The following SLC7A7 variants were observed in gnomAD, a reference collection of about 807,000 sequenced individuals.
SLC7A7 encodes the protein Y+L amino acid transporter 1.
A neutral mutation model predicts 47.9 loss-of-function variants in SLC7A7; 39 were observed. That is an observed-to-expected ratio of 0.81 (90% CI 0.63 to 1.06). The LOEUF (loss-of-function observed/expected upper bound fraction) is 1.06. Among genes scored for constraint, SLC7A7 ranks in the 50% least tolerant of loss-of-function variants. The probability of loss-of-function intolerance (pLI) is 0.00; values close to 1 mark genes in which losing one functional copy is unlikely to be tolerated. For missense variants in SLC7A7, 588 were observed against 632.0 expected (o/e 0.93, Z 0.75); for synonymous variants, 234 against 242.8 (o/e 0.96, Z 0.34).
intron 2 of SLC7A7, among the ~76,000 whole-genome samples, chr14:22,789,976 T>A (rs2038895908): frequency 6.6e-6 from 1 of 152,156 alleles, no homozygotes; most frequent in Non-Finnish European, 1.5e-5. Context: ...TATGAGATGA[T>A]AAATTTGTGT....
At chr14:22,794,918 C>T (rs1326289028) in intron 2 of SLC7A7, among the ~76,000 whole-genome samples, 3 of 152,078 alleles carry the variant, frequency 2.0e-5, no homozygotes, top group Non-Finnish European at 4.4e-5. Flanking sequence ...CTTTTCCCAC[C>T]TCTAGTGACA....
intron 2 of SLC7A7, among the ~76,000 whole-genome samples, chr14:22,798,233 G>A (rs547970888): frequency 5.9e-5 from 9 of 152,214 alleles, no homozygotes; most frequent in African/African-American, 2.2e-4. Flanking sequence ...GGAGGCGGAG[G>A]TTGCAGTAAA....
chr14:22,785,277 C>A (rs1158688291), intron 2 of SLC7A7, among the ~76,000 whole-genome samples: 2 of 152,080 alleles, frequency 1.3e-5, no homozygotes, highest in Non-Finnish European at 2.9e-5. Context: ...GACTCCATCT[C>A]AAAAAATAAA....
At chr14:22,800,473 A>G (rs2039092766) in intron 2 of SLC7A7, among the ~76,000 whole-genome samples, 1 of 152,234 alleles carries the variant, frequency 6.6e-6, no homozygotes, top group South Asian at 2.1e-4. Flanking sequence ...ATGCAACTTC[A>G]GAGACTAGGT....
At chr14:22,774,281 C>T in intron 8 of SLC7A7, 73 bp downstream of exon 8, 2 of 1,611,336 alleles carry the variant, frequency 1.2e-6, no homozygotes, top group African/African-American at 1.3e-5. Context: ...AAATAAAGTG[C>T]TTTGTCATAG....
At chr14:22,819,410 A>C (rs1164877916), upstream of SLC7A7, among the ~76,000 whole-genome samples, 2 of 38,500 alleles carry the variant, frequency 5.2e-5, no homozygotes, top group Non-Finnish European at 9.6e-5. Flanking sequence ...CAGTCTCTTT[A>C]AAAAAAAAAA....
At chr14:22,800,996 C>G (rs1021235977) in intron 2 of SLC7A7, among the ~76,000 whole-genome samples, 2 of 152,100 alleles carry the variant, frequency 1.3e-5, no homozygotes, top group African/African-American at 4.8e-5. Context: ...AACCGTTTTT[C>G]CAGCTCCTGT....
chr14:22,788,957 CAATT>C (rs1274836513), intron 2 of SLC7A7, among the ~76,000 whole-genome samples: 1 of 152,088 alleles, frequency 6.6e-6, no homozygotes, highest in Non-Finnish European at 1.5e-5. Flanking sequence ...CAACTAGTGA[CAATT>C]CATTAAGCCA....
chr14:22,775,351 T>G, intron 7 of SLC7A7, 93 bp downstream of exon 7: 1 of 1,031,420 alleles, frequency 9.7e-7, no homozygotes, highest in African/African-American at 1.6e-5. Context: ...TTGGAATCTT[T>G]CAGAGCTTTC....
chr14:22,806,996 C>A (rs1291506553), intron 2 of SLC7A7, among the ~76,000 whole-genome samples: 2 of 148,672 alleles, frequency 1.3e-5, no homozygotes, highest in Admixed American at 1.4e-4. Context: ...TTCCCGGGTT[C>A]ATGCCATTCT....
Position 22,774,114 on chromosome 14 carries a change from G to A in SLC7A7, c.1248C>T (p.Leu416=), listed in dbSNP as rs1266932567. 4.3e-6 allele frequency: 7 copies of A among 1,614,140 alleles called. No individual in the cohort carries two copies. The highest frequency in any genetic ancestry group is 5.9e-6 in the Non-Finnish European group (7 of 1,180,016). The part of the protein sequence containing the change: ...KEPDRPRPLK[L]SVFFPIVFCL... ...AGAAGACAATCGGGAAGAAAACGCT[G>A]AGCTAAGGGCACAGGAAACATAACT... Residue 416 remains leucine, a splice_region_variant and synonymous_variant, in exon 9 of 10, where the codon CTC becomes CTT. Transcript: ENST00000674313.
At chr14:22,814,927 C>A in intron 1 of SLC7A7, 1 of 184,918 alleles carries the variant, frequency 5.4e-6, no homozygotes, top group Non-Finnish European at 1.2e-5. Context: ...TTTTCCTTTC[C>A]CATTCTCTGG....
intron 2 of SLC7A7, among the ~76,000 whole-genome samples, chr14:22,808,684 G>T (rs56714188): frequency 0.16 from 23,689 of 152,134 alleles, 1,935 homozygotes; most frequent in South Asian, 0.16. Context: ...GTGGCTGAAG[G>T]AATAAACCCA....
intron 2 of SLC7A7, among the ~76,000 whole-genome samples, chr14:22,806,212 T>C (rs1373456365): frequency 1.4e-5 from 2 of 139,560 alleles, no homozygotes; most frequent in East Asian, 4.1e-4. Flanking sequence ...TTTTTTTTTT[T>C]TGAGACAGAG....
At chr14:22,809,186 G>A (rs1475872047) in intron 2 of SLC7A7, among the ~76,000 whole-genome samples, 2 of 152,080 alleles carry the variant, frequency 1.3e-5, no homozygotes, top group Admixed American at 6.6e-5. Flanking sequence ...GTTTTGTTTT[G>A]TTTTGTCTTT....
At chr14:22,816,780 C>T (rs1481520844), upstream of SLC7A7, among the ~76,000 whole-genome samples, 1 of 152,034 alleles carries the variant, frequency 6.6e-6, no homozygotes, top group African/African-American at 2.4e-5. Flanking sequence ...ATCTAAATAT[C>T]TCTGGGAGAC....
At position 22,804,955 on chromosome 14, in the gene SLC7A7, C is replaced by T. The variant is rs192487194; in HGVS notation, c.499+7945G>A. On this transcript the variant is annotated intron_variant, in intron 2 of 9. Coordinates refer to ENST00000674313, the MANE Select transcript of SLC7A7 (RefSeq NM_003982.4). ...TTGGGAGGCGGAGGTTGCATTGAGC[C>T]GAGATTGTGCCATTGCACTCCAGCC... Among the ~76,000 whole-genome samples the T allele has an allele frequency of 6.6e-5, 10 of 152,164 alleles. No homozygotes were observed. The South Asian group carries it at 1.9e-3, about 28-fold the overall frequency.
At position 22,776,245 on chromosome 14, in the gene SLC7A7, A is replaced by C. The variant is rs927176387; in HGVS notation, c.844T>G (p.Tyr282Asp). Residue 282 changes from tyrosine (Y) to aspartate (D), a missense_variant, in exon 5 of 10, where the codon TAT (tyrosine) becomes GAT (aspartate). Physicochemically the swap from Tyr to Asp is radical, Grantham distance 160 (BLOSUM62 -3). Coordinates refer to ENST00000674313, the MANE Select transcript of SLC7A7 (RefSeq NM_003982.4). ...IIYILTNVAY[Y>D]TVLDMRDILA... Reference sequence around the variant, plus strand: ...ATGTCTCTCATGTCTAGCACAGTATAATAGGCCACATTGGTCAAGATATAG... The same window carrying C: ...ATGTCTCTCATGTCTAGCACAGTATCATAGGCCACATTGGTCAAGATATAG... The C allele has an allele frequency of 1.9e-6, 3 of 1,614,274 alleles. No homozygotes were observed. The highest frequency in any genetic ancestry group is 2.5e-6 in the Non-Finnish European group (3 of 1,180,046).
At chr14:22,808,456 G>A (rs1373291491) in intron 2 of SLC7A7, among the ~76,000 whole-genome samples, 1 of 152,138 alleles carries the variant, frequency 6.6e-6, no homozygotes, top group African/African-American at 2.4e-5. Context: ...TCTCACTTAG[G>A]CTAATCAGAA....
Sources: gnomAD v4.1 joint callset for allele counts (sites outside exome capture counted in the v4.1 genomes callset) on GRCh38, gnomAD v4.1.1 for gene constraint, MANE v1.5 for transcripts, NCBI Gene and HGNC (gene_info 2026-07-23, HGNC 2026-07-21) for gene names.